The following HPSE variants were observed in gnomAD, a reference collection of about 807,000 sequenced individuals.
HPSE encodes endo-glucoronidase.
A neutral mutation model predicts 65.1 loss-of-function variants in HPSE; 48 were observed. The ratio of observed to expected loss-of-function variants is 0.74; its 90% CI spans 0.58 to 0.94. HPSE has a LOEUF of 0.94. Ranked by LOEUF, HPSE falls within the 40% of genes least tolerant of loss-of-function variation. The probability of loss-of-function intolerance (pLI) is 0.00; values close to 1 mark genes in which losing one functional copy is unlikely to be tolerated. For synonymous variants in HPSE, 243 were observed against 260.0 expected (o/e 0.93, Z 0.63); for missense variants, 644 against 637.5 (o/e 1.01, Z -0.11).
intron 8 of HPSE, 141 bp from the exon 9 acceptor site, chr4:83,306,458 C>T (rs1031015921): frequency 5.6e-6 from 3 of 535,266 alleles, no homozygotes; most frequent in Non-Finnish European, 9.9e-6. Context: ...CTCTGTCACC[C>T]AGGCTGGAGT....
At chr4:83,313,369 T>A (rs1736498397) in intron 3 of HPSE, 82 bp from the exon 4 acceptor site, 1 of 832,954 alleles carries the variant, frequency 1.2e-6, no homozygotes, top group Non-Finnish European at 1.8e-6. Flanking sequence ...AATGAATAAC[T>A]ATTTCTGTTG....
intron 1 of HPSE, among the ~76,000 whole-genome samples, chr4:83,322,955 T>C (rs1415053921): frequency 6.6e-6 from 1 of 151,876 alleles, no homozygotes. Flanking sequence ...CATGAGCCAC[T>C]GTACCCAGCC....
intron 10 of HPSE, among the ~76,000 whole-genome samples, chr4:83,301,588 G>A (rs1283848693): frequency 1.3e-5 from 2 of 152,008 alleles, no homozygotes; most frequent in East Asian, 1.9e-4. Context: ...CATTCCCCTC[G>A]CTACTTCCTA....
chr4:83,317,284 G>T (rs1040170077), intron 3 of HPSE, among the ~76,000 whole-genome samples: 26 of 152,234 alleles, frequency 1.7e-4, no homozygotes, highest in African/African-American at 6.0e-4. Flanking sequence ...CTCTTCTTTT[G>T]TGGTATGTCC....
At chr4:83,311,781 G>GA (rs59143616) in intron 4 of HPSE, among the ~76,000 whole-genome samples, 2,433 of 126,806 alleles carry the variant, frequency 0.019, 41 homozygotes, top group African/African-American at 0.048. Flanking sequence ...GATCTTGTCT[G>GA]AAAAAAAAAA....
At position 83,309,456 on chromosome 4, in the gene HPSE, A is replaced by C; in HGVS notation, c.930T>G (p.Phe310Leu). The change falls in exon 7 of 12, where the codon TTT becomes TTG. Residue 310 changes from phenylalanine to leucine, a missense_variant. Physicochemically the swap from Phe to Leu is conservative, Grantham distance 22 (BLOSUM62 0). Coordinates refer to ENST00000311412, the MANE Select transcript of HPSE (RefSeq NM_001098540.3). ...LNGRTATKED[F>L]LNPDVLDIFI... Reference sequence around the variant, plus strand: ...AAATGTCCAATACATCAGGGTTTAGAAAATCTTCCTTGGTAGCAGTCCGTC... The same window carrying C: ...AAATGTCCAATACATCAGGGTTTAGCAAATCTTCCTTGGTAGCAGTCCGTC... The C allele has an allele frequency of 1.9e-6, 3 of 1,593,882 alleles. No individual in the cohort carries two copies. The highest frequency in any genetic ancestry group is 2.6e-6 in the Non-Finnish European group (3 of 1,165,310).
At chr4:83,315,125 C>T (rs1736576087) in intron 3 of HPSE, among the ~76,000 whole-genome samples, 1 of 150,218 alleles carries the variant, frequency 6.7e-6, no homozygotes, top group Admixed American at 6.7e-5. Context: ...TGCACTGCAG[C>T]CTGGGTAACA....
intron 1 of HPSE, among the ~76,000 whole-genome samples, chr4:83,330,169 C>T (rs1003813853): frequency 6.6e-6 from 1 of 152,212 alleles, no homozygotes; most frequent in African/African-American, 2.4e-5. Context: ...AGTGGGCTGT[C>T]ATCCAGAAGC....
At chr4:83,316,115 C>T (rs1420950787) in intron 3 of HPSE, among the ~76,000 whole-genome samples, 2 of 152,022 alleles carry the variant, frequency 1.3e-5, no homozygotes, top group South Asian at 2.1e-4. Flanking sequence ...CAACCTCCAC[C>T]TCCCGGGTTC....
intron 7 of HPSE, 89 bp downstream of exon 7, chr4:83,309,313 T>C (rs1187427827): frequency 1.4e-6 from 1 of 710,706 alleles, no homozygotes; most frequent in African/African-American, 1.8e-5. Flanking sequence ...GAAAAACATG[T>C]AAATATACAT....
upstream of HPSE, chr4:83,335,022 C>T (rs1476998366): frequency 5.3e-6 from 3 of 569,220 alleles, no homozygotes; most frequent in Non-Finnish European, 8.7e-6. Flanking sequence ...CTCGCTTTCC[C>T]CTCGGTGGCG....
intron 1 of HPSE, among the ~76,000 whole-genome samples, chr4:83,330,733 G>T (rs994342689): frequency 1.3e-5 from 2 of 152,194 alleles, no homozygotes; most frequent in African/African-American, 4.8e-5. Flanking sequence ...CACTGAGATT[G>T]CTGTTCGTAC....
At chr4:83,330,466 C>T (rs1363264339) in intron 1 of HPSE, among the ~76,000 whole-genome samples, 1 of 152,226 alleles carries the variant, frequency 6.6e-6, no homozygotes, top group South Asian at 2.1e-4. Flanking sequence ...CCCTTTGTTT[C>T]CCTTTGGCTG....
chr4:83,298,482 A>T (rs4516708), intron 11 of HPSE, among the ~76,000 whole-genome samples: 99,556 of 147,432 alleles, frequency 0.68, 33,414 homozygotes, highest in East Asian at 0.87. Flanking sequence ...ATTTTTTTTT[A>T]AAAAAAAACA....
At chr4:83,309,519 G>GA (rs753799136) in intron 6 of HPSE, 24 bp from the exon 7 acceptor site, 117 of 1,249,794 alleles carry the variant, frequency 9.4e-5, no homozygotes, top group Admixed American at 2.4e-4. Context: ...AAAATATTCA[G>GA]AAAAAAAATA....
chr4:83,302,044 C>A, intron 10 of HPSE, 106 bp downstream of exon 10: 1 of 636,668 alleles, frequency 1.6e-6, no homozygotes, highest in Non-Finnish European at 2.8e-6. Flanking sequence ...ATTGCAACTG[C>A]CTATACTTAT....
At chr4:83,316,564 C>G (rs1736651089) in intron 3 of HPSE, among the ~76,000 whole-genome samples, 1 of 152,088 alleles carries the variant, frequency 6.6e-6, no homozygotes, top group South Asian at 2.1e-4. Flanking sequence ...AAGTCTATGT[C>G]AGCATCCAAT....
intron 11 of HPSE, among the ~76,000 whole-genome samples, chr4:83,298,308 G>A (rs887786437): frequency 1.3e-5 from 2 of 152,160 alleles, no homozygotes; most frequent in African/African-American, 2.4e-5. Flanking sequence ...CAAAATGTAT[G>A]AGATAAATAT....
intron 2 of HPSE, among the ~76,000 whole-genome samples, chr4:83,321,515 T>C (rs1736892177): frequency 6.6e-6 from 1 of 152,236 alleles, no homozygotes; most frequent in Non-Finnish European, 1.5e-5. Flanking sequence ...TCTCTCTATG[T>C]TGCCCAGGCT....
Sources: allele counts gnomAD v4.1 joint callset (sites outside exome capture counted in the v4.1 genomes callset), GRCh38; gene constraint gnomAD v4.1.1; transcripts MANE v1.5; gene names NCBI Gene and HGNC (gene_info 2026-07-23, HGNC 2026-07-21).